Variants in PKD1L1 observed in about 807,000 individuals in gnomAD.
The protein encoded by PKD1L1 is polycystin-1-like protein 1.
A neutral mutation model predicts 323.4 loss-of-function variants in PKD1L1; 236 were observed. The observed-to-expected ratio is 0.73, with a 90% CI of 0.66 to 0.81. PKD1L1 has a LOEUF of 0.81. Ranked by LOEUF, PKD1L1 falls within the 40% of genes least tolerant of loss-of-function variation. PKD1L1 has a pLI of 0.00. For synonymous variants in PKD1L1, 1,344 were observed against 1,335.0 expected, an observed-to-expected ratio of 1.01 and a Z score of -0.15; for missense variants, 3,320 against 3,508.0, an observed-to-expected ratio of 0.95 and a Z score of 1.35.
Position 47,796,128 on chromosome 7 carries a change from A to G in PKD1L1, c.8216T>C (p.Leu2739Ser), listed in dbSNP as rs754602647. The change falls in exon 55 of 57, where the codon TTA (leucine) becomes TCA (serine). Residue 2739 changes from leucine (L) to serine (S), a missense_variant. Physicochemically the swap from Leu to Ser is moderately radical, Grantham distance 145 (BLOSUM62 -2). Coordinates refer to ENST00000289672, the MANE Select transcript of PKD1L1 (RefSeq NM_138295.5). ...TTGAAAAGATTTTCTTTTTTGGGGTAAAGTCATGAGAAAACCTCTCAGCTA... is the reference window on the plus strand; with the variant it reads ...TTGAAAAGATTTTCTTTTTTGGGGTGAAGTCATGAGAAAACCTCTCAGCTA... ...FGMLRGFLMTLPQKRKSFQSK... is the reference protein window; with the variant it reads ...FGMLRGFLMTSPQKRKSFQSK... 1 of 1,606,498 alleles carries G rather than the reference A, an allele frequency of 6.2e-7. No homozygotes were observed. The highest frequency in any genetic ancestry group is 8.5e-7 in the Non-Finnish European group (1 of 1,177,152).
intron 45 of PKD1L1, among the ~76,000 whole-genome samples, chr7:47,825,994 C>G (rs1281477269): frequency 6.6e-6 from 1 of 152,140 alleles, no homozygotes; most frequent in Non-Finnish European, 1.5e-5. Context: ...GGGCTACGTC[C>G]TGGCAGAGCT....
At chr7:47,923,999 G>T (rs1477286837) in intron 7 of PKD1L1, among the ~76,000 whole-genome samples, 3 of 151,862 alleles carry the variant, frequency 2.0e-5, no homozygotes, top group Non-Finnish European at 4.4e-5. Flanking sequence ...GCCTTTACAT[G>T]ATAAATTATA....
At chr7:47,873,676 G>GAAAAAAAAAAA (rs1562967528) in intron 24 of PKD1L1, among the ~76,000 whole-genome samples, 5 of 131,912 alleles carry the variant, frequency 3.8e-5, no homozygotes, top group African/African-American at 9.0e-5. Context: ...AAAAAAGAAG[G>GAAAAAAAAAAA]AGAAGAAAGT....
intron 56 of PKD1L1, among the ~76,000 whole-genome samples, chr7:47,785,940 C>T (rs914472272): frequency 1.3e-5 from 2 of 152,036 alleles, no homozygotes; most frequent in African/African-American, 4.8e-5. Context: ...CGGGGTTTCA[C>T]TACGTTGACC....
chr7:47,925,410 A>G (rs1384401954), intron 7 of PKD1L1, among the ~76,000 whole-genome samples: 1 of 151,864 alleles, frequency 6.6e-6, no homozygotes, highest in Non-Finnish European at 1.5e-5. Context: ...AGATGCACGG[A>G]AAAAATGGAC....
intron 40 of PKD1L1, 94 bp from the exon 41 acceptor site, chr7:47,833,346 G>T: frequency 1.4e-6 from 2 of 1,383,448 alleles, no homozygotes; most frequent in Non-Finnish European, 2.0e-6. Context: ...CCTTCTCAGA[G>T]GACAGGCCTG....
chr7:47,789,447 A>G (rs1786888540), intron 56 of PKD1L1, among the ~76,000 whole-genome samples: 1 of 152,220 alleles, frequency 6.6e-6, no homozygotes, highest in Admixed American at 6.5e-5. Flanking sequence ...TAATTTGTCA[A>G]TTTAATTGTT....
At chr7:47,871,830 T>C (rs953550225) in intron 24 of PKD1L1, among the ~76,000 whole-genome samples, 1 of 152,124 alleles carries the variant, frequency 6.6e-6, no homozygotes, top group African/African-American at 2.4e-5. Flanking sequence ...TATGAAGTGG[T>C]GAAAGACTGA....
At chr7:47,779,160 CA>C (rs138063847) in intron 56 of PKD1L1, among the ~76,000 whole-genome samples, 16,070 of 152,040 alleles carry the variant, frequency 0.11, 1,210 homozygotes, top group Non-Finnish European at 0.14. Context: ...AATGTGGATC[CA>C]AAAGTGGAAG....
At chr7:47,806,748 T>C (rs925392308) in intron 52 of PKD1L1, among the ~76,000 whole-genome samples, 1 of 152,242 alleles carries the variant, frequency 6.6e-6, no homozygotes, top group East Asian at 1.9e-4. Flanking sequence ...CCCCTTTTAT[T>C]GCTTATAGTT....
chr7:47,936,431 T>C (rs76691496), intron 4 of PKD1L1, among the ~76,000 whole-genome samples: 7,229 of 152,270 alleles, frequency 0.047, 359 homozygotes, highest in African/African-American at 0.13. Flanking sequence ...ATGTGTCTTT[T>C]TGTGACTGGC....
intron 3 of PKD1L1, among the ~76,000 whole-genome samples, chr7:47,939,497 A>G (rs1016508971): frequency 6.6e-6 from 1 of 151,450 alleles, no homozygotes; most frequent in Non-Finnish European, 1.5e-5. Context: ...AGAAGTTTTC[A>G]CTCTTCTCTC....
chr7:47,839,707 T>A lies in PKD1L1; in HGVS notation c.5553-45A>T, dbSNP rs1468394849. 6.5e-7 allele frequency: 1 copy of A among 1,529,160 alleles called. No individual in the cohort carries two copies. The highest frequency in any genetic ancestry group is 1.2e-5 in the South Asian group (1 of 82,314). 94.7% of individuals were successfully genotyped at this position (1,529,160 alleles called of 1,614,324 possible). The stretch of plus-strand genomic sequence containing the variant: ...CATCTCAGCCGGGTGGGTGACAGTG[T>A]GGTCCTGGCATCCCATCAGCCCCAA... On this transcript the variant is annotated intron_variant, in intron 35 of 56. Coordinates refer to ENST00000289672, the MANE Select transcript of PKD1L1 (RefSeq NM_138295.5). This position sits in a 1 kb window ranked among gnomAD's most constrained non-coding sequence, Gnocchi z 4.3.
In PKD1L1 at chr7:47,864,577, T is replaced by TTTCTTTCTTTCC. The variant is rs1269166475; in HGVS notation, c.4149+638_4149+639insGGAAAGAAAGAA. 7.4e-3 allele frequency among the ~76,000 whole-genome samples: 85 copies of TTTCTTTCTTTCC among 11,480 alleles called. 1 individual carries two copies. Among genetic ancestry groups the TTTCTTTCTTTCC allele is most frequent in the African/African-American group, 0.031 (80 of 2,602 alleles). 7.5% of individuals were successfully genotyped at this position (11,480 alleles called of 152,430 possible). ...CTTCCTTCTTTTTCTTTTTCTTTCT[T>TTTCTTTCTTTCC]TTCTTTCTTTCTTTCTTTCTTTCTT... On this transcript the variant is annotated intron_variant, in intron 26 of 56. Coordinates refer to ENST00000289672, the MANE Select transcript of PKD1L1 (RefSeq NM_138295.5).
chr7:47,864,876 C>T (rs570511569), intron 26 of PKD1L1, among the ~76,000 whole-genome samples: 22 of 151,904 alleles, frequency 1.4e-4, no homozygotes, highest in Middle Eastern at 3.4e-3. Flanking sequence ...TACAGGTGCG[C>T]GCCACCATGC....
intron 56 of PKD1L1, among the ~76,000 whole-genome samples, chr7:47,779,108 A>G (rs75456465): frequency 0.044 from 6,698 of 152,308 alleles, 249 homozygotes; most frequent in South Asian, 0.13. Flanking sequence ...TGCCCTGCCC[A>G]GTGCCACAGA....
At position 47,812,038 on chromosome 7, in the gene PKD1L1, T is replaced by C. The variant is rs1444388516; in HGVS notation, c.7360A>G (p.Thr2454Ala). ...SLGRTRTEAH[T>A]ALSRLRASMW... ...CTGGCCCTGAGTCGGGACAGGGCTG[T>C]GTGGGCTTCAGTCCTGTAAAACAGC... is the stretch of plus-strand genomic sequence containing the variant. Residue 2454 changes from threonine (T) to alanine (A), a missense_variant, in exon 50 of 57, where the codon ACA (threonine) becomes GCA (alanine). Transcript: ENST00000289672. 2 of 1,562,286 alleles carry C rather than the reference T, an allele frequency of 1.3e-6. No individual in the cohort carries two copies. The highest frequency in any genetic ancestry group is 1.7e-6 in the Non-Finnish European group (2 of 1,153,200).
intron 8 of PKD1L1, among the ~76,000 whole-genome samples, chr7:47,910,826 T>TTTTGTGTGTG (rs762737755): frequency 1.6e-5 from 2 of 126,082 alleles, no homozygotes; most frequent in African/African-American, 6.7e-5. Context: ...CCAGCTGATT[T>TTTTGTGTGTG]TGTGTGTGTG....
chr7:47,936,078 A>T (rs1787861915), intron 4 of PKD1L1, among the ~76,000 whole-genome samples: 1 of 152,264 alleles, frequency 6.6e-6, no homozygotes, highest in African/African-American at 2.4e-5. Flanking sequence ...TTTCAGGTAC[A>T]GGGTGACATT....
Sources: gnomAD v4.1 joint callset for allele counts (sites outside exome capture counted in the v4.1 genomes callset) on GRCh38, gnomAD v4.1.1 for gene constraint, Gnocchi (gnomAD v3.1) non-coding constraint, MANE v1.5 for transcripts, NCBI Gene and HGNC (gene_info 2026-07-23, HGNC 2026-07-21) for gene names.